Variants in SLC25A3 observed in about 807,000 individuals in gnomAD.
SLC25A3 encodes phosphate transport protein.
In SLC25A3, 14 loss-of-function variants were observed where a neutral mutation model predicts 37.1. That is an observed-to-expected ratio of 0.38 (90% confidence interval 0.25 to 0.59). SLC25A3 has a LOEUF of 0.59. Ranked by LOEUF, SLC25A3 falls within the 20% of genes least tolerant of loss-of-function variation. The probability of loss-of-function intolerance (pLI) is 0.67; values close to 1 mark genes in which losing one functional copy is unlikely to be tolerated. For missense variants in SLC25A3, 385 were observed against 458.1 expected (o/e 0.84, Z 1.46); for synonymous variants, 161 against 168.7 (o/e 0.95, Z 0.36).
intron 2 of SLC25A3, chr12:98,595,339 T>C: frequency 7.5e-7 from 1 of 1,335,064 alleles, no homozygotes; most frequent in Non-Finnish European, 1.1e-6. Context: ...GCTGTGATAA[T>C]AGTATCTCAC....
rs1253528033 is a variant in SLC25A3 at position 98,594,091 on chromosome 12, G to A, written c.113G>A (p.Gly38Asp). 2 of 1,611,402 alleles carry A rather than the reference G, an allele frequency of 1.2e-6. No individual in the cohort carries two copies. Among genetic ancestry groups the A allele is most frequent in the South Asian group, 2.2e-5 (2 of 90,908 alleles). The change falls in exon 2 of 8, where the codon GGC becomes GAC. Residue 38 changes from glycine to aspartate, a missense_variant. Around this residue, in one of 2 missense-constraint regions of SLC25A3, gnomAD observed 109 missense variants for 90.5 expected, o/e 1.20. Transcript: ENST00000552981. The stretch of plus-strand genomic sequence containing the variant: ...CGCAGCAGCTCCCCAGGGCCCACGG[G>A]CCAGCCCCGCCGCCCTCGCAACCTG... The part of the protein sequence containing the change: ...DLRSSSPGPT[G>D]QPRRPRNLAA...
chr12:98,598,312 G>T (rs1460581280), intron 4 of SLC25A3: 3 of 800,378 alleles, frequency 3.7e-6, no homozygotes. Flanking sequence ...CGTAGTTCCG[G>T]GGCATGGCAT....
intron 6 of SLC25A3, among the ~76,000 whole-genome samples, chr12:98,600,719 TG>T (rs1459424352): frequency 1.3e-5 from 2 of 152,180 alleles, no homozygotes; most frequent in Non-Finnish European, 2.9e-5. Context: ...GCCTGATTTT[TG>T]TAAAGATGGG....
chr12:98,600,097 C>A lies in SLC25A3; in HGVS notation c.784C>A (p.Leu262Met). Reference protein sequence around the residue: ...PRSECSKPEQLVVTFVAGYIA... With the variant: ...PRSECSKPEQMVVTFVAGYIA... The stretch of plus-strand genomic sequence containing the variant: ...CAGTGAATGTTCAAAGCCAGAGCAG[C>A]TGGTTGTAACATTTGTAGCAGGTTA... Residue 262 changes from leucine to methionine, a missense_variant, in exon 6 of 8, where the codon CTG becomes ATG. Leu to Met is a conservative substitution (Grantham distance 15, BLOSUM62 2). Around this residue, in one of 2 missense-constraint regions of SLC25A3, gnomAD observed 276 missense variants for 367.6 expected, o/e 0.75. Transcript: ENST00000552981. The A allele has an allele frequency of 1.2e-6, 2 of 1,613,268 alleles. No homozygotes were observed. Among genetic ancestry groups the A allele is most frequent in the Non-Finnish European group, 1.7e-6 (2 of 1,179,150 alleles).
chr12:98,599,344 C>T (rs1001300247), intron 5 of SLC25A3, among the ~76,000 whole-genome samples: 2 of 152,194 alleles, frequency 1.3e-5, no homozygotes, highest in Non-Finnish European at 2.9e-5. Context: ...TGAGACACCG[C>T]GTCTGGCTGT....
rs1425104994 is a variant in SLC25A3 at position 98,603,671 on chromosome 12, T to C, written c.*2143T>C. On this transcript the variant is annotated 3_prime_UTR_variant, in exon 8 of 8. Transcript: ENST00000552981. ...AAGTTTTATTTCCTAAGAGTTATAA[T>C]AGGTTTTATTTGTGGGCATTGATAC... 3 of 152,202 alleles carry C rather than the reference T, an allele frequency of 2.0e-5. No homozygotes were observed. The highest frequency in any genetic ancestry group is 7.2e-5 in the African/African-American group (3 of 41,454). 9.4% of individuals were successfully genotyped at this position (152,202 alleles called of 1,614,324 possible).
chr12:98,598,615 G>A lies in SLC25A3; in HGVS notation c.553G>A (p.Ala185Thr). Residue 185 changes from alanine to threonine, a missense_variant, in exon 5 of 8, where the codon GCT (alanine) becomes ACT (threonine). This residue lies in a region of SLC25A3 where 276 missense variants were observed against 367.6 expected (regional missense o/e 0.75). Transcript: ENST00000552981. ...CATTGCCCTGGCTCCTATGGAAGCT[G>A]CTAAGGTTCGAATTCAAACCCAGCC... ...ADIALAPMEAAKVRIQTQPGY... is the reference protein window; with the variant it reads ...ADIALAPMEATKVRIQTQPGY... 2 of 1,614,128 alleles carry A rather than the reference G, an allele frequency of 1.2e-6. No individual in the cohort carries two copies. The highest frequency in any genetic ancestry group is 1.7e-6 in the Non-Finnish European group (2 of 1,180,040).
chr12:98,594,238 C>T (rs770446612), intron 2 of SLC25A3, 103 bp downstream of exon 2: 2 of 979,284 alleles, frequency 2.0e-6, no homozygotes, highest in Non-Finnish European at 3.1e-6. Context: ...ACGAGTCCAG[C>T]CCGCTGCACC....
At chr12:98,600,976 A>G (rs2097597380) in intron 6 of SLC25A3, 195 bp from the exon 7 acceptor site, 1 of 560,304 alleles carries the variant, frequency 1.8e-6, no homozygotes, top group African/African-American at 1.9e-5. Flanking sequence ...AGTGTTGAAT[A>G]AAATCTGAAA....
chr12:98,599,525 G>T (rs1592978753), intron 5 of SLC25A3: 4 of 423,418 alleles, frequency 9.4e-6, no homozygotes, highest in South Asian at 1.8e-5. Context: ...AGGACCATTT[G>T]TCGGTCTACA....
intron 6 of SLC25A3, 80 bp downstream of exon 6, chr12:98,600,207 A>T: frequency 1.0e-6 from 1 of 987,036 alleles, no homozygotes; most frequent in Non-Finnish European, 1.6e-6. Flanking sequence ...TGAGAGGGAA[A>T]AATACTCCAA....
chr12:98,600,145 C>T lies in SLC25A3; in HGVS notation c.814+18C>T, dbSNP rs1054187457. 15 of 1,439,646 alleles carry T rather than the reference C, an allele frequency of 1.0e-5. No homozygotes were observed. Among genetic ancestry groups the T allele is most frequent in the Non-Finnish European group, 1.5e-5 (15 of 1,020,660 alleles). 89.2% of individuals were successfully genotyped at this position (1,439,646 alleles called of 1,614,324 possible). A position where few individuals can be genotyped will look rare whatever the true frequency, so the allele number is the denominator to read the frequency against. On this transcript the variant is annotated intron_variant, in intron 6 of 7. Coordinates refer to ENST00000552981, the MANE Select transcript of SLC25A3 (RefSeq NM_002635.4). Reference sequence around the variant, plus strand: ...TTACATAGGTACGAATTACTTAGAACACACTTGTCTGAAATTATGAACAAA... The same window carrying T: ...TTACATAGGTACGAATTACTTAGAATACACTTGTCTGAAATTATGAACAAA...
intron 3 of SLC25A3, among the ~76,000 whole-genome samples, chr12:98,597,305 A>G (rs2097593817): frequency 6.6e-6 from 1 of 152,222 alleles, no homozygotes; most frequent in African/African-American, 2.4e-5. Context: ...TAAAAGTTAT[A>G]TGAATGTAGT....
intron 5 of SLC25A3, among the ~76,000 whole-genome samples, chr12:98,599,328 C>T (rs1446338442): frequency 6.6e-5 from 10 of 152,200 alleles, no homozygotes; most frequent in African/African-American, 9.6e-5. Flanking sequence ...GCTGGGATTA[C>T]AGGCGTGAGA....
intron 2 of SLC25A3, chr12:98,594,937 T>A (rs2097591696): frequency 5.4e-6 from 1 of 185,838 alleles, no homozygotes; most frequent in African/African-American, 2.4e-5. Context: ...TGTCGTTCAG[T>A]TTAAAAGTTA....
In SLC25A3 at chr12:98,604,263, A is replaced by AAAAAATATATATATATAT. The variant is rs1302964992; in HGVS notation, c.*2736_*2737insAAAATATATATATATATA. 7.4e-6 allele frequency: 1 copy of AAAAAATATATATATATAT among 134,592 alleles called. No homozygotes were observed. The highest frequency in any genetic ancestry group is 2.9e-5 in the African/African-American group (1 of 34,844). The allele number at this position is 134,592 out of a possible 1,614,324, so 8.3% of individuals were successfully genotyped here. Reference sequence around the variant, plus strand: ...GCGAAACTCTGTCTCAAAAAAAAAAAATATATATATATATATATATATATG... The same window carrying AAAAAATATATATATATAT: ...GCGAAACTCTGTCTCAAAAAAAAAAAAAAAATATATATATATATATATATATATATATATATATATATG... On this transcript the variant is annotated 3_prime_UTR_variant, in exon 8 of 8. Coordinates refer to ENST00000552981, the MANE Select transcript of SLC25A3 (RefSeq NM_002635.4).
At chr12:98,594,873 C>A (rs374133949) in intron 2 of SLC25A3, 61 of 178,126 alleles carry the variant, frequency 3.4e-4, no homozygotes, top group South Asian at 2.5e-3. Flanking sequence ...TTCTTTAAAT[C>A]ATTCATGTGC....
chr12:98,594,257 G>T (rs1313429588), intron 2 of SLC25A3, 122 bp downstream of exon 2: 13 of 844,008 alleles, frequency 1.5e-5, no homozygotes, highest in Non-Finnish European at 2.3e-5. Flanking sequence ...CCGTAGGACG[G>T]CGCCCAGTTG....
rs1356632302 is a variant in SLC25A3, at chr12:98,593,756, C to T, written c.-5+16C>T. 4.9e-6 allele frequency: 3 copies of T among 610,164 alleles called. No individual in the cohort carries two copies. Among genetic ancestry groups the T allele is most frequent in the East Asian group, 2.8e-5 (1 of 36,248 alleles). 37.8% of individuals were successfully genotyped at this position (610,164 alleles called of 1,614,324 possible). On this transcript the variant is annotated intron_variant, in intron 1 of 7. Transcript: ENST00000552981. ...ATCTTAGGGAGTGAGTGTGGCCGGG[C>T]CTTCTCCTGTGGCGGGTGTGGGGAG...
Sources: allele counts gnomAD v4.1 joint callset (sites outside exome capture counted in the v4.1 genomes callset), GRCh38; gene constraint gnomAD v4.1.1; regional missense constraint gnomAD v4.1.1; transcripts MANE v1.5; gene names NCBI Gene and HGNC (gene_info 2026-07-23, HGNC 2026-07-21).